The following TEK variants were observed in gnomAD, a reference collection of about 807,000 sequenced individuals.
TEK encodes the protein angiopoietin-1 receptor.
A neutral mutation model predicts 131.8 loss-of-function variants in TEK; 43 were observed. The observed-to-expected ratio is 0.33, with a 90% confidence interval of 0.26 to 0.42. TEK has a LOEUF of 0.42. Ranked by LOEUF, TEK falls within the 10% of genes least tolerant of loss-of-function variation. The probability of loss-of-function intolerance (pLI) is 1.00; values close to 1 mark genes in which losing one functional copy is unlikely to be tolerated. For missense variants in TEK, 1,162 were observed against 1,384.4 expected, an observed-to-expected ratio of 0.84 and a Z score of 2.55; for synonymous variants, 580 against 491.6, an observed-to-expected ratio of 1.18 and a Z score of -2.38.
chr9:27,228,211 A>G lies in TEK; in HGVS notation c.3206A>G (p.Asp1069Gly). 6.2e-7 allele frequency: 1 copy of G among 1,612,470 alleles called. No individual in the cohort carries two copies. The highest frequency in any genetic ancestry group is 1.7e-5 in the Admixed American group (1 of 59,962). Residue 1069 changes from aspartate (D) to glycine (G), a missense_variant, in exon 22 of 23, where the codon GAT becomes GGT. This residue lies in a region of TEK where 84 missense variants were observed against 80.3 expected (regional missense o/e 1.05). Transcript: ENST00000380036. ...TTAATTCTTTGCTTTCGAAGGTATGATCTAATGAGACAATGCTGGCGGGAG... is the reference window on the plus strand; with the variant it reads ...TTAATTCTTTGCTTTCGAAGGTATGGTCTAATGAGACAATGCTGGCGGGAG... ...KPLNCDDEVY[D>G]LMRQCWREKP...
chr9:27,209,732 C>T (rs555628320), intron 16 of TEK, among the ~76,000 whole-genome samples: 1 of 152,274 alleles, frequency 6.6e-6, no homozygotes, highest in South Asian at 2.1e-4. Context: ...TGTTTTTATC[C>T]AGAATGCTTT....
chr9:27,173,747 T>G (rs1364952117), intron 6 of TEK, among the ~76,000 whole-genome samples: 8 of 145,318 alleles, frequency 5.5e-5, no homozygotes, highest in Admixed American at 4.8e-4. Context: ...GTTTTTTTTT[T>G]TTTTTTTTTT....
chr9:27,229,520 G>GT lies in TEK; in HGVS notation c.*289dup. On this transcript the variant is annotated 3_prime_UTR_variant, in exon 23 of 23. Coordinates refer to ENST00000380036, the MANE Select transcript of TEK (RefSeq NM_000459.5). ...AAAAATGTGGACTTCATAGGAAGGC[G>GT]TGAGTACAATTAGTATAATGCATAA... 2.2e-6 allele frequency: 1 copy of GT among 446,916 alleles called. No homozygotes were observed. Among genetic ancestry groups the GT allele is most frequent in the South Asian group, 2.4e-5 (1 of 41,396 alleles). The allele number at this position is 446,916 out of a possible 1,614,324, so 27.7% of individuals were successfully genotyped here.
chr9:27,118,823 G>A (rs1821670017), intron 1 of TEK, among the ~76,000 whole-genome samples: 1 of 152,092 alleles, frequency 6.6e-6, no homozygotes. Context: ...AACAGGGCCA[G>A]TTAGACTCTT....
chr9:27,167,235 A>AT (rs772013587), intron 2 of TEK, among the ~76,000 whole-genome samples: 78 of 146,730 alleles, frequency 5.3e-4, no homozygotes, highest in East Asian at 1.4e-3. Context: ...ATTTTATTTT[A>AT]TTTTATTTTT....
chr9:27,139,803 T>C (rs1822656042), intron 1 of TEK, among the ~76,000 whole-genome samples: 1 of 152,072 alleles, frequency 6.6e-6, no homozygotes, highest in African/African-American at 2.4e-5. Context: ...AGAGTGTGTG[T>C]ATGTATAGTA....
intron 18 of TEK, among the ~76,000 whole-genome samples, chr9:27,214,721 A>G (rs534129): frequency 0.4 from 60,590 of 151,906 alleles, 12,241 homozygotes; most frequent in Admixed American, 0.43. Flanking sequence ...AGTGAACGTA[A>G]TCATTTTGGA....
chr9:27,152,590 G>GCCC (rs370861168), intron 1 of TEK, among the ~76,000 whole-genome samples: 2,619 of 140,968 alleles, frequency 0.019, 140 homozygotes, highest in African/African-American at 0.063. Context: ...CTTATATGAA[G>GCCC]CCCCCCCGCC....
At chr9:27,213,149 A>C (rs1314195099) in intron 17 of TEK, among the ~76,000 whole-genome samples, 2 of 152,216 alleles carry the variant, frequency 1.3e-5, no homozygotes, top group Non-Finnish European at 2.9e-5. Flanking sequence ...TGCAAATTTT[A>C]TAATTTTCCT....
At chr9:27,135,011 C>T (rs769794950) in intron 1 of TEK, among the ~76,000 whole-genome samples, 18 of 152,038 alleles carry the variant, frequency 1.2e-4, no homozygotes, top group Non-Finnish European at 2.4e-4. Flanking sequence ...GATCACCTGA[C>T]GTCAAGCGTT....
chr9:27,136,778 T>C (rs1488310853), intron 1 of TEK, among the ~76,000 whole-genome samples: 1 of 152,158 alleles, frequency 6.6e-6, no homozygotes. Flanking sequence ...TTTTTTTCTC[T>C]TTCCTTTTGT....
intron 1 of TEK, among the ~76,000 whole-genome samples, chr9:27,128,591 G>A (rs1183046729): frequency 2.0e-5 from 3 of 152,134 alleles, no homozygotes; most frequent in African/African-American, 7.2e-5. Flanking sequence ...TCACGATACC[G>A]ATTCTTCCTA....
chr9:27,113,870 C>T (rs1229834846), intron 1 of TEK, among the ~76,000 whole-genome samples: 1 of 150,688 alleles, frequency 6.6e-6, no homozygotes, highest in Non-Finnish European at 1.5e-5. Context: ...ATCTTGTCTG[C>T]TTCAACCAGG....
Position 27,173,456 on chromosome 9 carries a change from G to A in TEK, c.901+94G>A, listed in dbSNP as rs76918095. 331 of 1,514,838 alleles carry A rather than the reference G, an allele frequency of 2.2e-4. 4 individuals are homozygous for A. The East Asian group carries it at 6.1e-3, about 28-fold the overall frequency. 93.8% of individuals were successfully genotyped at this position (1,514,838 alleles called of 1,614,324 possible). On this transcript the variant is annotated intron_variant, in intron 6 of 22. Coordinates refer to ENST00000380036, the MANE Select transcript of TEK (RefSeq NM_000459.5). Reference sequence around the variant, plus strand: ...TCAATCACAACATCGGATATACCTGGACTGCTTAGCTACCCACTACTGGAC... The same window carrying A: ...TCAATCACAACATCGGATATACCTGAACTGCTTAGCTACCCACTACTGGAC...
At chr9:27,153,057 T>A (rs7855848) in intron 1 of TEK, among the ~76,000 whole-genome samples, 37,456 of 152,164 alleles carry the variant, frequency 0.25, 4,920 homozygotes, top group Admixed American at 0.3. Context: ...AGGATTGTTA[T>A]GCTTCACTTG....
At chr9:27,169,685 T>C (rs1823876511) in intron 4 of TEK, 56 bp downstream of exon 4, 3 of 1,611,080 alleles carry the variant, frequency 1.9e-6, no homozygotes, top group Non-Finnish European at 2.5e-6. Context: ...TTGTTAGGAT[T>C]TTTAGTTGCA....
intron 1 of TEK, among the ~76,000 whole-genome samples, chr9:27,114,972 A>G (rs1319441345): frequency 6.6e-6 from 1 of 152,212 alleles, no homozygotes; most frequent in Non-Finnish European, 1.5e-5. Context: ...CCTTTGAGCC[A>G]TGTACTGTCC....
At chr9:27,188,673 A>T (rs1471686135) in intron 9 of TEK, among the ~76,000 whole-genome samples, 2 of 152,132 alleles carry the variant, frequency 1.3e-5, no homozygotes, top group African/African-American at 2.4e-5. Context: ...TATTATCCTG[A>T]CCTTGGACAA....
chr9:27,118,013 C>G (rs1427707743), intron 1 of TEK, among the ~76,000 whole-genome samples: 1 of 152,158 alleles, frequency 6.6e-6, no homozygotes, highest in African/African-American at 2.4e-5. Flanking sequence ...AGATGGTGAA[C>G]CAGCTTAACC....
Sources: allele counts gnomAD v4.1 joint callset (sites outside exome capture counted in the v4.1 genomes callset), GRCh38; gene constraint gnomAD v4.1.1; regional missense constraint gnomAD v4.1.1; transcripts MANE v1.5; gene names NCBI Gene and HGNC (gene_info 2026-07-23, HGNC 2026-07-21).